Variants in CIC observed in about 807,000 individuals in gnomAD.
The protein encoded by CIC is protein capicua homolog.
Under a neutral mutation model 115.7 loss-of-function variants are expected in CIC, and 18 were observed. The observed-to-expected ratio is 0.16, with a 90% CI of 0.11 to 0.23. The LOEUF is 0.23. Among genes scored for constraint, CIC ranks in the 10% least tolerant of loss-of-function variants. The pLI is 1.00. For synonymous variants in CIC, 1,076 were observed against 923.0 expected (o/e 1.17, Z -3.01); for missense variants, 2,000 against 2,159.3 (o/e 0.93, Z 1.46).
Position 42,295,142 on chromosome 19 carries a change from A to AGGGGCC in CIC, c.7506_7507insGGGCCG (p.Gln2502_Pro2503insGlyPro). On this transcript the variant is annotated inframe_insertion, in exon 21 of 21. Transcript: ENST00000681038. ...CAGCCTGGCTGGGAGGGGGCTCCCC[A>AGGGGCC]GCCCTCCCCCCCACCCCCAGGTCCC... The AGGGGCC allele has an allele frequency of 1.8e-6, 1 of 558,798 alleles. No individual in the cohort carries two copies. The highest frequency in any genetic ancestry group is 2.9e-6 in the Non-Finnish European group (1 of 350,630). The allele number at this position is 558,798 out of a possible 1,614,324, so 34.6% of individuals were successfully genotyped here. A position where few individuals can be genotyped will look rare whatever the true frequency, so the allele number is the denominator to read the frequency against.
Position 42,287,016 on chromosome 19 carries a change from G to A in CIC, c.2955G>A (p.Glu985=), listed in dbSNP as rs2147175644. The part of the protein sequence containing the change: ...VASNQSKEPA[E]SAAVAHERPP... The stretch of plus-strand genomic sequence containing the variant: ...CCTCTGTGTCCCCAGAACCTGCTGA[G>A]TCGGCAGCTGTTGCTCATGAACGGC... The change falls in exon 4 of 21, where the codon GAG becomes GAA. Residue 985 remains glutamate, a synonymous_variant. Transcript: ENST00000681038. This position sits in a 1 kb window ranked among gnomAD's most constrained non-coding sequence, Gnocchi z 8.7. 6.2e-7 allele frequency: 1 copy of A among 1,610,072 alleles called. No individual in the cohort carries two copies. The highest frequency in any genetic ancestry group is 8.5e-7 in the Non-Finnish European group (1 of 1,179,988).
chr19:42,278,744 C>T lies in CIC; in HGVS notation c.2794+4167C>T, dbSNP rs1425179525. On this transcript the variant is annotated intron_variant, in intron 2 of 20. Transcript: ENST00000681038. ...TGGGCAGTTGCCAAGCACCAGGTCT[C>T]CTACTTCCTTCTTGGGGAGTGTTGG... is the stretch of plus-strand genomic sequence containing the variant. 2.0e-5 allele frequency among the ~76,000 whole-genome samples: 3 copies of T among 152,216 alleles called. No homozygotes were observed. In the South Asian group the frequency reaches 6.2e-4, roughly 31 times the overall value.
upstream of CIC, chr19:42,269,075 GA>G (rs1327695834): frequency 6.6e-6 from 1 of 152,150 alleles, no homozygotes; most frequent in African/African-American, 2.4e-5. Flanking sequence ...GCCGGTCTTG[GA>G]CTTTGGCCCC....
At position 42,290,309 on chromosome 19, in the gene CIC, C is replaced by T. The variant is rs756055340; in HGVS notation, c.4268C>T (p.Pro1423Leu). The stretch of plus-strand genomic sequence containing the variant: ...TGCCGCCCCCCACTGGACCCTGAGC[C>T]CCCAGGGCCCCCGGATCCTCCTGTA... ...THCRPPLDPE[P>L]PGPPDPPVAF... The change falls in exon 11 of 21, where the codon CCC (proline) becomes CTC (leucine). Residue 1423 changes from proline (P) to leucine (L), a missense_variant. Around this residue, in one of 8 missense-constraint regions of CIC, gnomAD observed 1,466 missense variants for 1,390.4 expected, o/e 1.05. Transcript: ENST00000681038. The T allele has an allele frequency of 3.1e-6, 5 of 1,614,058 alleles. No homozygotes were observed. Among genetic ancestry groups the T allele is most frequent in the African/African-American group, 2.7e-5 (2 of 75,006 alleles).
In CIC at chr19:42,291,423, C is replaced by T. The variant is rs751239213; in HGVS notation, c.5382C>T (p.Gly1794=). The change falls in exon 11 of 21, where the codon GGC becomes GGT. Residue 1794 remains glycine (G), a synonymous_variant. Coordinates refer to ENST00000681038, the MANE Select transcript of CIC (RefSeq NM_001386298.1). ...KVLAATAPTP[G]IPILQSVPSA... ...TGGCTGCCACTGCACCCACTCCTGGCATCCCCATCCTGCAGTCTGTACCCT... is the reference window on the plus strand; with the variant it reads ...TGGCTGCCACTGCACCCACTCCTGGTATCCCCATCCTGCAGTCTGTACCCT... The T allele has an allele frequency of 1.2e-6, 2 of 1,612,918 alleles. No homozygotes were observed. Among genetic ancestry groups the T allele is most frequent in the African/African-American group, 2.7e-5 (2 of 74,918 alleles).
rs1191970216 is a variant in CIC, at chr19:42,295,724, CAT to C, written c.*534_*535del. On this transcript the variant is annotated 3_prime_UTR_variant, in exon 21 of 21. Coordinates refer to ENST00000681038, the MANE Select transcript of CIC (RefSeq NM_001386298.1). ...CCTTGCCCCCTTCCCCAGAACAAAA[CAT>C]GTTGATCATGTGCAATATTTCTTAC... The C allele has an allele frequency of 3.5e-5, 8 of 226,092 alleles. No individual in the cohort carries two copies. Among genetic ancestry groups the C allele is most frequent in the Non-Finnish European group, 5.3e-5 (6 of 113,578 alleles). The allele number at this position is 226,092 out of a possible 1,614,324, so 14.0% of individuals were successfully genotyped here.
rs1247128806 is a variant in CIC, at chr19:42,291,714, C to G, written c.5582C>G (p.Pro1861Arg). 1 of 1,613,006 alleles carries G rather than the reference C, an allele frequency of 6.2e-7. No homozygotes were observed. Among genetic ancestry groups the G allele is most frequent in the Non-Finnish European group, 8.5e-7 (1 of 1,179,996 alleles). Residue 1861 changes from proline (P) to arginine (R), a missense_variant, in exon 12 of 21, where the codon CCT becomes CGT. By Grantham distance (103) the Pro-to-Arg change is moderately radical. Coordinates refer to ENST00000681038, the MANE Select transcript of CIC (RefSeq NM_001386298.1). Reference sequence around the variant, plus strand: ...CTGGTGAGCCCGCCCTTCTCAGTACCTGTGCAGAATGGTGCCCAGCCCCCC... The same window carrying G: ...CTGGTGAGCCCGCCCTTCTCAGTACGTGTGCAGAATGGTGCCCAGCCCCCC... ...LPLVSPPFSV[P>R]VQNGAQPPSK...
chr19:42,272,700 C>G lies in CIC; in HGVS notation c.917C>G (p.Ser306Cys), dbSNP rs2036833360. The change falls in exon 2 of 21, where the codon TCC becomes TGC. Residue 306 changes from serine (S) to cysteine (C), a missense_variant. Transcript: ENST00000681038. ...YKVRLSPGPSSQPGLPGSLPQ... is the reference protein window; with the variant it reads ...YKVRLSPGPSCQPGLPGSLPQ... The stretch of plus-strand genomic sequence containing the variant: ...GTCCGTCTCAGCCCTGGCCCCAGCT[C>G]CCAGCCAGGCCTACCAGGCAGCCTC... 2.5e-6 allele frequency: 1 copy of G among 398,740 alleles called. No homozygotes were observed. The highest frequency in any genetic ancestry group is 1.3e-4 in the South Asian group (1 of 7,870). 24.7% of individuals were successfully genotyped at this position (398,740 alleles called of 1,614,324 possible).
chr19:42,291,425 T>C lies in CIC; in HGVS notation c.5384T>C (p.Ile1795Thr), dbSNP rs1325424182. ...VLAATAPTPG[I>T]PILQSVPSAP... is the part of the protein sequence containing the mutation. The stretch of plus-strand genomic sequence containing the variant: ...GCTGCCACTGCACCCACTCCTGGCA[T>C]CCCCATCCTGCAGTCTGTACCCTCC... Residue 1795 changes from isoleucine to threonine, a missense_variant, in exon 11 of 21, where the codon ATC becomes ACC. Around this residue, in one of 8 missense-constraint regions of CIC, gnomAD observed 1,466 missense variants for 1,390.4 expected, o/e 1.05. Transcript: ENST00000681038. 6.2e-7 allele frequency: 1 copy of C among 1,612,906 alleles called. No individual in the cohort carries two copies. Among genetic ancestry groups the C allele is most frequent in the South Asian group, 1.1e-5 (1 of 91,078 alleles).
In CIC at chr19:42,291,293, C is replaced by T. The variant is rs1480893310; in HGVS notation, c.5252C>T (p.Pro1751Leu). 6.2e-7 allele frequency: 1 copy of T among 1,612,684 alleles called. No homozygotes were observed. Among genetic ancestry groups the T allele is most frequent in the African/African-American group, 1.3e-5 (1 of 74,890 alleles). The change falls in exon 11 of 21, where the codon CCA becomes CTA. Residue 1751 changes from proline to leucine, a missense_variant. Pro to Leu is a moderately conservative substitution (Grantham distance 98). Around this residue, in one of 8 missense-constraint regions of CIC, gnomAD observed 1,466 missense variants for 1,390.4 expected, o/e 1.05. Coordinates refer to ENST00000681038, the MANE Select transcript of CIC (RefSeq NM_001386298.1). Reference protein sequence around the residue: ...LPQQLQVAPAPAPAPGTKAAA... With the variant: ...LPQQLQVAPALAPAPGTKAAA... ...CAGCAGCTTCAGGTGGCACCTGCCC[C>T]AGCACCAGCCCCTGGGACCAAGGCA...
chr19:42,286,315 G>C (rs2037635904), intron 2 of CIC, among the ~76,000 whole-genome samples: 1 of 152,120 alleles, frequency 6.6e-6, no homozygotes, highest in Non-Finnish European at 1.5e-5. Flanking sequence ...CTCAGGAAAG[G>C]GAAAGAGAGC....
Position 42,292,783 on chromosome 19 carries a change from C to T in CIC, c.6120C>T (p.Ala2040=), listed in dbSNP as rs368833812. The T allele has an allele frequency of 6.1e-5, 99 of 1,613,640 alleles. No homozygotes were observed. The African/African-American group carries it at 1.2e-3, about 19-fold the overall frequency. ...TVATSTTPPA[A]TILPKGPPAP... ...CCACCAGCACAACCCCACCTGCAGCCACCATTCTGCCCAAGGGCCCGCCAG... is the reference window on the plus strand; with the variant it reads ...CCACCAGCACAACCCCACCTGCAGCTACCATTCTGCCCAAGGGCCCGCCAG... The change falls in exon 15 of 21, where the codon GCC becomes GCT. Residue 2040 remains alanine (A), a synonymous_variant. Coordinates refer to ENST00000681038, the MANE Select transcript of CIC (RefSeq NM_001386298.1).
In CIC at chr19:42,270,717, G is replaced by A. The variant is rs1022339406; in HGVS notation, c.-10-1057G>A. Among the ~76,000 whole-genome samples, 3 of 152,094 alleles carry A rather than the reference G, an allele frequency of 2.0e-5. No homozygotes were observed. The highest frequency in any genetic ancestry group is 3.9e-4 in the East Asian group (2 of 5,172). On this transcript the variant is annotated intron_variant, in intron 1 of 20. Transcript: ENST00000681038. The surrounding 1 kb of genome is among the most constrained non-coding windows in gnomAD (Gnocchi z 4.1). Reference sequence around the variant, plus strand: ...GATGCATGCAGGCAAGAAGAGGGGGGCTGGGCTTGCGGGTATCACGCTGGG... The same window carrying A: ...GATGCATGCAGGCAAGAAGAGGGGGACTGGGCTTGCGGGTATCACGCTGGG...
At position 42,294,017 on chromosome 19, in the gene CIC, A is replaced by G. The variant is rs2038342594; in HGVS notation, c.6850A>G (p.Thr2284Ala). 6.2e-7 allele frequency: 1 copy of G among 1,612,922 alleles called. No homozygotes were observed. Among genetic ancestry groups the G allele is most frequent in the Non-Finnish European group, 8.5e-7 (1 of 1,179,824 alleles). Residue 2284 changes from threonine to alanine, a missense_variant, in exon 18 of 21, where the codon ACC becomes GCC. Physicochemically the swap from Thr to Ala is moderately conservative, Grantham distance 58. Transcript: ENST00000681038. ...GCCTGAGGAGGTGCTGCCCTCCCCC[A>G]CCCTGCAGTCTCTGGCCACCTCACC... ...FRPEEVLPSP[T>A]LQSLATSPRA...
rs1056524535 is a variant in CIC, at chr19:42,289,096, G to A, written c.3861+6G>A. On this transcript the variant is annotated splice_donor_region_variant and intron_variant, in intron 8 of 20. Coordinates refer to ENST00000681038, the MANE Select transcript of CIC (RefSeq NM_001386298.1). ...CGCTACAGGAACTGACGCAGGTCTAGGGTGCAGGCCCCCTAGTGGGGGTGG... is the reference window on the plus strand; with the variant it reads ...CGCTACAGGAACTGACGCAGGTCTAAGGTGCAGGCCCCCTAGTGGGGGTGG... 3 of 1,613,408 alleles carry A rather than the reference G, an allele frequency of 1.9e-6. No homozygotes were observed. Among genetic ancestry groups the A allele is most frequent in the Non-Finnish European group, 2.5e-6 (3 of 1,180,046 alleles).
In CIC at chr19:42,289,323, C is replaced by A; in HGVS notation, c.4004C>A (p.Ser1335Tyr). The A allele has an allele frequency of 6.2e-7, 1 of 1,614,068 alleles. No homozygotes were observed. The highest frequency in any genetic ancestry group is 8.5e-7 in the Non-Finnish European group (1 of 1,179,986). Residue 1335 changes from serine to tyrosine, a missense_variant, in exon 9 of 21, where the codon TCT becomes TAT. Ser to Tyr is a moderately radical substitution (Grantham distance 144). Transcript: ENST00000681038. ...PPLLPTRASRSQRAASEDMTS... is the reference protein window; with the variant it reads ...PPLLPTRASRYQRAASEDMTS... ...CTGCTGCCCACCCGAGCTTCTCGTT[C>A]TCAGCGTGCGGCCAGTGAGGACATG...
At chr19:42,293,868 G>C in intron 17 of CIC, 32 bp downstream of exon 17, 1 of 1,613,208 alleles carries the variant, frequency 6.2e-7, no homozygotes, top group African/African-American at 1.3e-5. Context: ...GGTGGAGCGT[G>C]TTAGGGTGGC....
rs1480783036 is a variant in CIC at position 42,293,135 on chromosome 19, A to G, written c.6376A>G (p.Thr2126Ala). The change falls in exon 16 of 21, where the codon ACT becomes GCT. Residue 2126 changes from threonine to alanine, a missense_variant. This residue lies in a region of CIC where 1,466 missense variants were observed against 1,390.4 expected (regional missense o/e 1.05). Coordinates refer to ENST00000681038, the MANE Select transcript of CIC (RefSeq NM_001386298.1). Reference protein sequence around the residue: ...PLEPGPVREPTAPESELEGQP... With the variant: ...PLEPGPVREPAAPESELEGQP... The stretch of plus-strand genomic sequence containing the variant: ...GGAGCCTGGCCCAGTCCGAGAGCCA[A>G]CTGCCCCAGAGTCTGAGCTTGAGGG... The G allele has an allele frequency of 5.6e-6, 9 of 1,607,932 alleles. No homozygotes were observed. The highest frequency in any genetic ancestry group is 1.7e-5 in the Admixed American group (1 of 59,178).
At chr19:42,291,940 C>G (rs990619914) in intron 12 of CIC, 146 bp from the exon 13 acceptor site, 40 of 1,327,874 alleles carry the variant, frequency 3.0e-5, no homozygotes, top group Admixed American at 2.2e-4. Context: ...GTGTCCCCAC[C>G]TCTCACTGTC....
Sources: allele counts gnomAD v4.1 joint callset (sites outside exome capture counted in the v4.1 genomes callset), GRCh38; gene constraint gnomAD v4.1.1; regional missense constraint gnomAD v4.1.1; non-coding constraint Gnocchi (gnomAD v3.1); transcripts MANE v1.5; gene names NCBI Gene and HGNC (gene_info 2026-07-23, HGNC 2026-07-21).